Variants in SOX5 observed in about 807,000 individuals in gnomAD.
SOX5 encodes the protein SRY-box transcription factor 5.
Under a neutral mutation model 92.0 loss-of-function variants are expected in SOX5, and 9 were observed. That is an observed-to-expected ratio of 0.10 (90% CI 0.06 to 0.17). The LOEUF is 0.17. Among genes scored for constraint, SOX5 ranks in the 10% least tolerant of loss-of-function variants. SOX5 has a pLI of 1.00. For synonymous variants in SOX5, 344 were observed against 336.3 expected (o/e 1.02, Z -0.25); for missense variants, 642 against 944.5 (o/e 0.68, Z 4.20).
intron 1 of SOX5, among the ~76,000 whole-genome samples, chr12:24,492,200 C>A (rs1947161011): frequency 6.6e-6 from 1 of 152,062 alleles, no homozygotes; most frequent in Non-Finnish European, 1.5e-5. Flanking sequence ...ATTTCATAAT[C>A]CAAAGTTCAA....
chr12:24,204,010 T>C (rs1957781993), intron 4 of SOX5, among the ~76,000 whole-genome samples: 1 of 152,162 alleles, frequency 6.6e-6, no homozygotes, highest in South Asian at 2.1e-4. Context: ...TTCAGATAAA[T>C]GTCACTCCCT....
chr12:24,259,204 AAG>A (rs1941710559), intron 3 of SOX5, among the ~76,000 whole-genome samples: 2 of 152,154 alleles, frequency 1.3e-5, no homozygotes, highest in Admixed American at 1.3e-4. Flanking sequence ...GAGCACAAGA[AAG>A]AGACAGAAAG....
chr12:23,662,785 G>A (rs555614513), intron 7 of SOX5, among the ~76,000 whole-genome samples: 38 of 152,222 alleles, frequency 2.5e-4, no homozygotes, highest in Admixed American at 8.5e-4. Flanking sequence ...AAGACATCTA[G>A]TCGAAACAGA....
At chr12:24,015,242 C>T (rs1953459037) in intron 4 of SOX5, among the ~76,000 whole-genome samples, 1 of 152,088 alleles carries the variant, frequency 6.6e-6, no homozygotes, top group African/African-American at 2.4e-5. Flanking sequence ...TTTTCTCTCC[C>T]TTCCTCTCTT....
At chr12:24,158,129 C>T (rs1481434482) in intron 4 of SOX5, among the ~76,000 whole-genome samples, 1 of 152,016 alleles carries the variant, frequency 6.6e-6, no homozygotes, top group African/African-American at 2.4e-5. Context: ...CAAAACCTTT[C>T]AAATGATTTT....
chr12:24,375,361 T>C (rs1957152756), intron 1 of SOX5, among the ~76,000 whole-genome samples: 1 of 152,112 alleles, frequency 6.6e-6, no homozygotes, highest in African/African-American at 2.4e-5. Flanking sequence ...GAAAAACTAA[T>C]AAACAAAGAG....
At chr12:24,240,355 G>A (rs1057395492) in intron 3 of SOX5, among the ~76,000 whole-genome samples, 1 of 152,142 alleles carries the variant, frequency 6.6e-6, no homozygotes, top group African/African-American at 2.4e-5. Flanking sequence ...TACTGATGCT[G>A]AAAATTCATT....
chr12:23,769,095 T>C (rs529731661), intron 3 of SOX5, among the ~76,000 whole-genome samples: 68 of 152,268 alleles, frequency 4.5e-4, no homozygotes, highest in African/African-American at 1.5e-3. Flanking sequence ...GGGTTATTTT[T>C]CTCTCTTGTT....
intron 3 of SOX5, among the ~76,000 whole-genome samples, chr12:23,806,050 C>T (rs1003057002): frequency 6.6e-6 from 1 of 152,148 alleles, no homozygotes; most frequent in Non-Finnish European, 1.5e-5. Flanking sequence ...TGAGTAACTA[C>T]ATTTTTTTCT....
rs140390417 is a variant in SOX5 at position 24,393,635 on chromosome 12, G to A, written c.-250-24996C>T. Among the ~76,000 whole-genome samples, 1,499 of 152,206 alleles carry A rather than the reference G, an allele frequency of 9.8e-3. 11 individuals are homozygous for A. The highest frequency in any genetic ancestry group is 0.034 in the South Asian group (163 of 4,818). ...ATAGATAATCTTTTATACGGATTAC[G>A]CTTTAAGACATGGCCCTTGTCATGG... On this transcript the variant is annotated intron_variant, in intron 1 of 4. Transcript: ENST00000446891. The surrounding 1 kb of genome is among the most constrained non-coding windows in gnomAD (Gnocchi z 5.0).
At chr12:23,538,033 A>C (rs1348589245) in intron 13 of SOX5, among the ~76,000 whole-genome samples, 1 of 152,104 alleles carries the variant, frequency 6.6e-6, no homozygotes, top group East Asian at 1.9e-4. Context: ...ACGCGAATGC[A>C]CAAAGACCGA....
At chr12:24,179,176 A>G (rs1176815429) in intron 4 of SOX5, among the ~76,000 whole-genome samples, 1 of 152,210 alleles carries the variant, frequency 6.6e-6, no homozygotes, top group Non-Finnish European at 1.5e-5. Context: ...ATTGTAGAGC[A>G]CTCTTTAAAT....
intron 4 of SOX5, among the ~76,000 whole-genome samples, chr12:24,003,400 T>C (rs969928040): frequency 3.3e-4 from 50 of 152,064 alleles, no homozygotes; most frequent in Middle Eastern, 3.4e-3. Flanking sequence ...TGATCCTATA[T>C]GAAGAAAATC....
chr12:24,373,446 C>G (rs1440438374), intron 1 of SOX5, among the ~76,000 whole-genome samples: 2 of 152,162 alleles, frequency 1.3e-5, no homozygotes, highest in East Asian at 3.8e-4. Context: ...TAGTTGAAGT[C>G]AGCATTCTTC....
At chr12:24,418,627 G>A (rs11047430) in intron 1 of SOX5, among the ~76,000 whole-genome samples, 46,876 of 152,064 alleles carry the variant, frequency 0.31, 7,683 homozygotes, top group Non-Finnish European at 0.37. Context: ...GAATTGCAGA[G>A]ATAAGGAGCT....
chr12:23,968,502 CG>C (rs1947849169), intron 4 of SOX5, among the ~76,000 whole-genome samples: 1 of 152,274 alleles, frequency 6.6e-6, no homozygotes, highest in Non-Finnish European at 1.5e-5. Context: ...TTTGTTATCA[CG>C]GGAGTGGGTT....
chr12:23,539,605 T>TA (rs35395976), intron 13 of SOX5, among the ~76,000 whole-genome samples: 28,720 of 140,962 alleles, frequency 0.2, 3,630 homozygotes, highest in African/African-American at 0.37. Flanking sequence ...TGGTCTGGCT[T>TA]AAAAAAAAAA....
intron 2 of SOX5, among the ~76,000 whole-genome samples, chr12:24,311,113 G>A (rs75512608): frequency 3.9e-5 from 6 of 152,124 alleles, no homozygotes; most frequent in African/African-American, 7.2e-5. Context: ...CATTCCAGAC[G>A]GTCCTGCCCC....
In SOX5 at chr12:23,677,521, T is replaced by C. The variant is rs2085898748; in HGVS notation, c.811-11957A>G. Among the ~76,000 whole-genome samples, 4 of 152,172 alleles carry C rather than the reference T, an allele frequency of 2.6e-5. No homozygotes were observed. In the South Asian group the frequency reaches 8.3e-4, roughly 31 times the overall value. On this transcript the variant is annotated intron_variant, in intron 6 of 14. Coordinates refer to ENST00000451604, the MANE Select transcript of SOX5 (RefSeq NM_006940.6). ...GGAACATATAGCAATACATGAAATA[T>C]GAAGCTTTAGCTGCAGACATGATCC...
Sources: gnomAD v4.1 joint callset for allele counts (sites outside exome capture counted in the v4.1 genomes callset) on GRCh38, gnomAD v4.1.1 for gene constraint, Gnocchi (gnomAD v3.1) non-coding constraint, MANE v1.5 for transcripts, NCBI Gene and HGNC (gene_info 2026-07-23, HGNC 2026-07-21) for gene names.